Variants in IQSEC1 observed in about 807,000 individuals in gnomAD.
The protein encoded by IQSEC1 is IQ motif and Sec7 domain ArfGEF 1.
A neutral mutation model predicts 91.0 loss-of-function variants in IQSEC1; 31 were observed. The observed-to-expected ratio is 0.34, with a 90% CI of 0.26 to 0.46. The LOEUF is 0.46. Among genes scored for constraint, IQSEC1 ranks in the 20% least tolerant of loss-of-function variants. IQSEC1 has a pLI of 1.00. For synonymous variants in IQSEC1, 699 were observed against 662.6 expected, an observed-to-expected ratio of 1.05 and a Z score of -0.84; for missense variants, 1,388 against 1,575.6, an observed-to-expected ratio of 0.88 and a Z score of 2.02.
At chr3:12,906,419 T>A (rs2125049525) in intron 12 of IQSEC1, among the ~76,000 whole-genome samples, 1 of 152,322 alleles carries the variant, frequency 6.6e-6, no homozygotes, top group Non-Finnish European at 1.5e-5. Context: ...AGCACCTGCC[T>A]GTCCCGATGG....
chr3:13,148,224 T>A (rs1036674709), intron 2 of IQSEC1, among the ~76,000 whole-genome samples: 15 of 152,084 alleles, frequency 9.9e-5, no homozygotes, highest in African/African-American at 3.4e-4. Flanking sequence ...AGGACCCTCC[T>A]CCCCACCCAG....
chr3:13,161,289 G>T lies in IQSEC1; in HGVS notation c.302+2815C>A, dbSNP rs1434539918. ...CTGCCACAGTGTGTCAGCCCAGGGG[G>T]AGTGCGGGAGGAGAAGCGGGGGAGG... is the stretch of plus-strand genomic sequence containing the variant. On this transcript the variant is annotated intron_variant, in intron 2 of 15. Transcript: ENST00000648114. 4.6e-5 allele frequency among the ~76,000 whole-genome samples: 7 copies of T among 152,282 alleles called. No homozygotes were observed. The East Asian group carries it at 1.4e-3, about 30-fold the overall frequency.
intron 6 of IQSEC1, among the ~76,000 whole-genome samples, chr3:12,919,419 A>G (rs1696406174): frequency 6.6e-6 from 1 of 152,196 alleles, no homozygotes; most frequent in Admixed American, 6.5e-5. Flanking sequence ...CATCTCCCTG[A>G]GGCCTCTGCT....
intron 1 of IQSEC1, among the ~76,000 whole-genome samples, chr3:13,050,444 G>A (rs1326833142): frequency 4.6e-5 from 7 of 152,214 alleles, no homozygotes; most frequent in Admixed American, 4.6e-4. Context: ...CAGAGCTGTT[G>A]AGAAATGAGA....
At chr3:12,949,381 C>T (rs1016246322) in intron 1 of IQSEC1, among the ~76,000 whole-genome samples, 8 of 152,250 alleles carry the variant, frequency 5.3e-5, no homozygotes, top group African/African-American at 1.7e-4. Flanking sequence ...CTAGAGGAAG[C>T]AGGCAATCTT....
chr3:13,219,957 G>T (rs1234033936), intron 1 of IQSEC1, among the ~76,000 whole-genome samples: 1 of 152,224 alleles, frequency 6.6e-6, no homozygotes, highest in African/African-American at 2.4e-5. Context: ...CTCCAGGCGT[G>T]GCAACTCCTC....
chr3:13,120,604 T>C (rs746488622), intron 2 of IQSEC1, among the ~76,000 whole-genome samples: 2 of 152,156 alleles, frequency 1.3e-5, no homozygotes, highest in Non-Finnish European at 2.9e-5. Flanking sequence ...AATATTTAAT[T>C]AAGGAAACTT....
At chr3:13,101,168 A>G (rs1706055761) in intron 2 of IQSEC1, among the ~76,000 whole-genome samples, 4 of 152,194 alleles carry the variant, frequency 2.6e-5, no homozygotes, top group Admixed American at 2.6e-4. Flanking sequence ...CAGTGACACG[A>G]TGCGACTTCT....
At chr3:13,007,946 G>A (rs912140367) in intron 1 of IQSEC1, among the ~76,000 whole-genome samples, 31 of 152,048 alleles carry the variant, frequency 2.0e-4, no homozygotes, top group African/African-American at 3.9e-4. Flanking sequence ...CCTGTCCTGT[G>A]GGAGGAGAGC....
At chr3:13,091,838 C>A (rs1435205077) in intron 2 of IQSEC1, among the ~76,000 whole-genome samples, 1 of 152,018 alleles carries the variant, frequency 6.6e-6, no homozygotes, top group Non-Finnish European at 1.5e-5. Context: ...CAGGGGTTTT[C>A]CTAGGAAAGC....
At chr3:13,226,589 C>CAAAA (rs59319538) in intron 1 of IQSEC1, among the ~76,000 whole-genome samples, 81 of 144,404 alleles carry the variant, frequency 5.6e-4, no homozygotes, top group African/African-American at 1.9e-3. Flanking sequence ...CCATCTCTAC[C>CAAAA]AAAAAAAAAA....
intron 2 of IQSEC1, among the ~76,000 whole-genome samples, chr3:13,141,981 G>C (rs1180209348): frequency 6.6e-6 from 1 of 152,202 alleles, no homozygotes; most frequent in Non-Finnish European, 1.5e-5. Context: ...AACCACACAG[G>C]AACTTATAGC....
intron 1 of IQSEC1, among the ~76,000 whole-genome samples, chr3:13,252,317 C>T (rs1695208631): frequency 6.6e-6 from 1 of 152,186 alleles, no homozygotes. Flanking sequence ...GTGAGCAGCT[C>T]ATGTCATCTG....
chr3:12,925,324 T>C (rs567022420), intron 3 of IQSEC1, among the ~76,000 whole-genome samples: 4 of 152,300 alleles, frequency 2.6e-5, no homozygotes, highest in African/African-American at 9.6e-5. Flanking sequence ...GTGCCGCCGC[T>C]GTTGAGGCGC....
chr3:13,106,708 C>A (rs1383865882), intron 2 of IQSEC1, among the ~76,000 whole-genome samples: 1 of 152,208 alleles, frequency 6.6e-6, no homozygotes, highest in African/African-American at 2.4e-5. Flanking sequence ...CCTCCTCCTG[C>A]GGCTCCATGG....
At chr3:13,018,150 C>T (rs543739950) in intron 1 of IQSEC1, among the ~76,000 whole-genome samples, 12 of 152,334 alleles carry the variant, frequency 7.9e-5, no homozygotes, top group Middle Eastern at 3.4e-3. Context: ...CAAATGTCCT[C>T]GCGTCAGAGC....
At chr3:13,198,244 C>T (rs751149623) in intron 1 of IQSEC1, among the ~76,000 whole-genome samples, 3 of 152,282 alleles carry the variant, frequency 2.0e-5, no homozygotes, top group Admixed American at 1.3e-4. Flanking sequence ...TTCTGCTTCT[C>T]CTGCTTGTTA....
At chr3:13,117,322 C>T (rs1706351395) in intron 2 of IQSEC1, among the ~76,000 whole-genome samples, 1 of 150,212 alleles carries the variant, frequency 6.7e-6, no homozygotes, top group Admixed American at 6.6e-5. Context: ...TGCAGTGGCT[C>T]ACGACTGTAA....
intron 2 of IQSEC1, among the ~76,000 whole-genome samples, chr3:13,081,625 T>C (rs1370151817): frequency 6.6e-6 from 1 of 152,190 alleles, no homozygotes; most frequent in Non-Finnish European, 1.5e-5. Context: ...TATAAAAAAG[T>C]AAAATATATT....
Sources: gnomAD v4.1 joint callset for allele counts (sites outside exome capture counted in the v4.1 genomes callset) on GRCh38, gnomAD v4.1.1 for gene constraint, MANE v1.5 for transcripts, NCBI Gene and HGNC (gene_info 2026-07-23, HGNC 2026-07-21) for gene names.